Variants in RALGPS1 observed in about 807,000 individuals in gnomAD.
The protein encoded by RALGPS1 is ras-specific guanine nucleotide-releasing factor RalGPS1.
In RALGPS1, 19 loss-of-function variants were observed where a neutral mutation model predicts 78.8. The observed-to-expected ratio is 0.24, with a 90% CI of 0.17 to 0.35. The LOEUF (loss-of-function observed/expected upper bound fraction) is 0.35, where lower values mean the gene tolerates loss of function less well. Among genes scored for constraint, RALGPS1 ranks in the 10% least tolerant of loss-of-function variants. The probability of loss-of-function intolerance (pLI) is 1.00; values close to 1 mark genes in which losing one functional copy is unlikely to be tolerated. For missense variants in RALGPS1, 454 were observed against 688.3 expected, an observed-to-expected ratio of 0.66 and a Z score of 3.81; for synonymous variants, 228 against 256.3, an observed-to-expected ratio of 0.89 and a Z score of 1.06.
At chr9:127,032,117 G>A (rs918198013) in intron 4 of RALGPS1, among the ~76,000 whole-genome samples, 4 of 152,224 alleles carry the variant, frequency 2.6e-5, no homozygotes, top group East Asian at 3.8e-4. Context: ...TACCTGTCAC[G>A]TGCTAGGTGC....
chr9:126,967,364 C>T (rs2132311809), intron 3 of RALGPS1, among the ~76,000 whole-genome samples: 1 of 152,290 alleles, frequency 6.6e-6, no homozygotes, highest in Non-Finnish European at 1.5e-5. Flanking sequence ...ATCCTCTGTC[C>T]TTTTCTTTTT....
chr9:127,184,867 C>T (rs976310756), intron 11 of RALGPS1, among the ~76,000 whole-genome samples: 17 of 152,188 alleles, frequency 1.1e-4, no homozygotes, highest in African/African-American at 3.6e-4. Context: ...TTCTGATGTG[C>T]GATACTTGGA....
chr9:126,967,403 C>T (rs2039620102), intron 3 of RALGPS1, among the ~76,000 whole-genome samples: 1 of 152,166 alleles, frequency 6.6e-6, no homozygotes, highest in Non-Finnish European at 1.5e-5. Context: ...CCTTAGTTGT[C>T]TGCTCACTCT....
At chr9:127,159,212 C>A (rs1411538612) in intron 8 of RALGPS1, among the ~76,000 whole-genome samples, 2 of 152,188 alleles carry the variant, frequency 1.3e-5, no homozygotes, top group African/African-American at 4.8e-5. Context: ...CACGCTATGC[C>A]ATCCATTGCA....
chr9:126,954,936 G>T (rs1465917166), intron 1 of RALGPS1, among the ~76,000 whole-genome samples: 1 of 152,170 alleles, frequency 6.6e-6, no homozygotes, highest in Non-Finnish European at 1.5e-5. Flanking sequence ...AGGTGACTCA[G>T]CTCCAGCCAT....
chr9:126,946,964 A>G (rs2037333638), intron 1 of RALGPS1, among the ~76,000 whole-genome samples: 1 of 152,102 alleles, frequency 6.6e-6, no homozygotes, highest in South Asian at 2.1e-4. Context: ...TTTCCAGAGT[A>G]GATTGTAGAT....
intron 1 of RALGPS1, among the ~76,000 whole-genome samples, chr9:126,946,022 G>A (rs1332308681): frequency 6.6e-6 from 1 of 152,184 alleles, no homozygotes; most frequent in East Asian, 1.9e-4. Context: ...ATAAACCATA[G>A]AGGGACGGGG....
At chr9:127,009,305 A>G (rs2044141832) in intron 4 of RALGPS1, among the ~76,000 whole-genome samples, 1 of 151,844 alleles carries the variant, frequency 6.6e-6, no homozygotes, top group Non-Finnish European at 1.5e-5. Context: ...TTCCCCCCTC[A>G]TCCTTTATCA....
intron 1 of RALGPS1, among the ~76,000 whole-genome samples, chr9:126,929,981 C>T (rs776829953): frequency 2.6e-5 from 4 of 152,058 alleles, no homozygotes; most frequent in South Asian, 2.1e-4. Context: ...TACAGGTGTG[C>T]GCCACCACTC....
intron 4 of RALGPS1, among the ~76,000 whole-genome samples, chr9:126,999,065 C>T (rs57597651): frequency 2.0e-5 from 3 of 148,170 alleles, no homozygotes; most frequent in Admixed American, 2.0e-4. Flanking sequence ...ATACCTAATG[C>T]TAAATGACGA....
chr9:127,184,490 A>T (rs2060505910), intron 11 of RALGPS1, among the ~76,000 whole-genome samples: 1 of 152,204 alleles, frequency 6.6e-6, no homozygotes, highest in Non-Finnish European at 1.5e-5. Flanking sequence ...GAAGGGTTTC[A>T]ACACAGACTT....
chr9:127,144,330 CAG>C (rs2057971783), intron 8 of RALGPS1, among the ~76,000 whole-genome samples: 1 of 152,196 alleles, frequency 6.6e-6, no homozygotes, highest in African/African-American at 2.4e-5. Flanking sequence ...CTGAGTTTCC[CAG>C]AGTGTGGGCA....
chr9:127,098,265 G>A (rs1477000717), intron 8 of RALGPS1, among the ~76,000 whole-genome samples: 3 of 152,302 alleles, frequency 2.0e-5, no homozygotes, highest in East Asian at 3.9e-4. Context: ...TGGGCAAAGC[G>A]CTCCCTTTGG....
chr9:127,146,217 C>T (rs563341910), intron 8 of RALGPS1, among the ~76,000 whole-genome samples: 3 of 152,264 alleles, frequency 2.0e-5, no homozygotes, highest in African/African-American at 7.2e-5. Context: ...TCAGCCCACA[C>T]CCCTCCTCCC....
intron 5 of RALGPS1, among the ~76,000 whole-genome samples, chr9:127,045,443 G>A (rs191252219): frequency 1.1e-4 from 17 of 152,158 alleles, no homozygotes; most frequent in Non-Finnish European, 2.2e-4. Flanking sequence ...TCCCAAGGGG[G>A]ATGGGTAACA....
chr9:127,173,911 G>A (rs893937605), intron 10 of RALGPS1, among the ~76,000 whole-genome samples: 2 of 152,180 alleles, frequency 1.3e-5, no homozygotes, highest in Non-Finnish European at 2.9e-5. Flanking sequence ...TACTTGGGAG[G>A]CTGAGGTATG....
In RALGPS1 at chr9:127,212,923, T is replaced by A. The variant is rs1471146015; in HGVS notation, c.1447-21T>A. ...GGAGGGCTGGGCCCCGGTCTCCGGA[T>A]GTGTTGTTGCTCTCCTCCAGTATAA... On this transcript the variant is annotated intron_variant, in intron 16 of 18. Transcript: ENST00000259351. This position sits in a 1 kb window ranked among gnomAD's most constrained non-coding sequence, Gnocchi z 6.0. The A allele has an allele frequency of 6.2e-7, 1 of 1,614,094 alleles. No individual in the cohort carries two copies. Among genetic ancestry groups the A allele is most frequent in the Non-Finnish European group, 8.5e-7 (1 of 1,179,996 alleles).
intron 8 of RALGPS1, among the ~76,000 whole-genome samples, chr9:127,072,022 C>T (rs535464710): frequency 6.6e-6 from 1 of 152,338 alleles, no homozygotes; most frequent in African/African-American, 2.4e-5. Flanking sequence ...TATTAATCTA[C>T]TTTGTGTCTC....
chr9:127,146,893 C>G (rs1443940398), intron 8 of RALGPS1, among the ~76,000 whole-genome samples: 1 of 152,116 alleles, frequency 6.6e-6, no homozygotes, highest in Non-Finnish European at 1.5e-5. Context: ...AGGCATATAC[C>G]CAGTAATGGG....
Sources: allele counts gnomAD v4.1 joint callset (sites outside exome capture counted in the v4.1 genomes callset), GRCh38; gene constraint gnomAD v4.1.1; non-coding constraint Gnocchi (gnomAD v3.1); transcripts MANE v1.5; gene names NCBI Gene and HGNC (gene_info 2026-07-23, HGNC 2026-07-21).